C16orf89: variants seen among roughly 807,000 people sequenced by gnomAD.
The protein encoded by C16orf89 is UPF0764 protein C16orf89.
Under a neutral mutation model 41.5 loss-of-function variants are expected in C16orf89, and 57 were observed. The ratio of observed to expected loss-of-function variants is 1.38; its 90% CI spans 1.11 to 1.71. The LOEUF (loss-of-function observed/expected upper bound fraction) is 1.71, where lower values mean the gene tolerates loss of function less well. Ranked by LOEUF, C16orf89 falls within the 40% of genes most tolerant of loss-of-function variation. The probability of loss-of-function intolerance (pLI) is 0.00; values close to 1 mark genes in which losing one functional copy is unlikely to be tolerated. For synonymous variants in C16orf89, 223 were observed against 190.6 expected (o/e 1.17, Z -1.40); for missense variants, 575 against 445.9 (o/e 1.29, Z -2.61).
At chr16:5,049,959 A>C (rs936336660) in intron 6 of C16orf89, among the ~76,000 whole-genome samples, 3 of 152,164 alleles carry the variant, frequency 2.0e-5, no homozygotes, top group Admixed American at 2.0e-4. Context: ...TAGACTAAGA[A>C]AAAAAGAGAA....
At chr16:5,062,950 A>G (rs8060159) in intron 1 of C16orf89, among the ~76,000 whole-genome samples, 43,161 of 152,176 alleles carry the variant, frequency 0.28, 7,010 homozygotes, top group Admixed American at 0.39. Flanking sequence ...CAGGTTGTAC[A>G]CTGCACAAGG....
chr16:5,058,241 C>T (rs1279678346), intron 4 of C16orf89, among the ~76,000 whole-genome samples: 1 of 152,072 alleles, frequency 6.6e-6, no homozygotes, highest in African/African-American at 2.4e-5. Flanking sequence ...ATTCTCCTGC[C>T]TCAGCCTCCT....
rs1956251117 is a variant in C16orf89, at chr16:5,044,228, G to T, written c.*120C>A. Reference sequence around the variant, plus strand: ...GCTTCCAAGATTGGGTGTCGGGGTGGCTTTGCTTATCCTCCAGATGCCTTC... The same window carrying T: ...GCTTCCAAGATTGGGTGTCGGGGTGTCTTTGCTTATCCTCCAGATGCCTTC... On this transcript the variant is annotated 3_prime_UTR_variant, in exon 8 of 8. Transcript: ENST00000472572. The T allele has an allele frequency of 2.1e-6, 3 of 1,435,506 alleles. No homozygotes were observed. The Admixed American group carries it at 8.6e-5, about 41-fold the overall frequency. 88.9% of individuals were successfully genotyped at this position (1,435,506 alleles called of 1,614,324 possible).
intron 5 of C16orf89, chr16:5,055,679 C>A (rs1956483885): frequency 1.3e-6 from 2 of 1,534,420 alleles, no homozygotes; most frequent in South Asian, 2.4e-5. Flanking sequence ...GGTCTGTCTG[C>A]CAGTCACCTG....
chr16:5,055,186 C>T, intron 6 of C16orf89, 60 bp downstream of exon 6: 2 of 1,425,650 alleles, frequency 1.4e-6, no homozygotes, highest in South Asian at 1.2e-5. Context: ...GGCCTAGAAA[C>T]TCAGAGCCAC....
rs2291954 is a variant in C16orf89 at position 5,055,358 on chromosome 16, T to G, written c.764-8A>C. 2 of 1,599,066 alleles carry G rather than the reference T, an allele frequency of 1.3e-6. No homozygotes were observed. The highest frequency in any genetic ancestry group is 1.7e-6 in the Non-Finnish European group (2 of 1,170,646). On this transcript the variant is annotated splice_region_variant and splice_polypyrimidine_tract_variant and intron_variant, in intron 5 of 7. Coordinates refer to ENST00000472572, the MANE Select transcript of C16orf89 (RefSeq NM_001098514.3). Reference sequence around the variant, plus strand: ...CCATTCCACAGAACATGACTGGAAGTAAAGACGGGGGCCCTCTGCAGGCCT... The same window carrying G: ...CCATTCCACAGAACATGACTGGAAGGAAAGACGGGGGCCCTCTGCAGGCCT...
chr16:5,056,903 T>A (rs1041213879), intron 4 of C16orf89, among the ~76,000 whole-genome samples: 4 of 152,154 alleles, frequency 2.6e-5, no homozygotes, highest in Middle Eastern at 3.2e-3. Flanking sequence ...CTGAATCACA[T>A]TGTTTTTTGA....
In C16orf89 at chr16:5,044,307, G is replaced by T. The variant is rs778633818; in HGVS notation, c.*41C>A. On this transcript the variant is annotated 3_prime_UTR_variant, in exon 8 of 8. Coordinates refer to ENST00000472572, the MANE Select transcript of C16orf89 (RefSeq NM_001098514.3). ...GATCTAAGGGATGAGGACTAAAGGG[G>T]TCTGTTCCTCCTCCAGGCAGCTGGC... 2 of 1,560,624 alleles carry T rather than the reference G, an allele frequency of 1.3e-6. No individual in the cohort carries two copies. Among genetic ancestry groups the T allele is most frequent in the African/African-American group, 1.4e-5 (1 of 73,278 alleles).
rs1480539290 is a variant in C16orf89, at chr16:5,055,263, C to A, written c.851G>T (p.Gly284Val). The A allele has an allele frequency of 1.9e-6, 3 of 1,612,104 alleles. No homozygotes were observed. In the African/African-American group the frequency reaches 4.0e-5, roughly 22 times the overall value. Residue 284 changes from glycine to valine, a missense_variant, in exon 6 of 8, where the codon GGA (glycine) becomes GTA (valine). Physicochemically the swap from Gly to Val is moderately radical, Grantham distance 109. Coordinates refer to ENST00000472572, the MANE Select transcript of C16orf89 (RefSeq NM_001098514.3). ...CAGCTCACCAGGCTCCCCGAAGCAT[C>A]CTTCCTGCTGTTTCTGCCAGCTGAG... ...AILSWQKQQE[G>V]CFGEPDAEDE...
Position 5,065,750 on chromosome 16 carries a change from C to A in C16orf89, c.159G>T (p.Arg53Ser), listed in dbSNP as rs142191897. The A allele has an allele frequency of 5.8e-3, 9,410 of 1,614,158 alleles. 64 individuals are homozygous for A. Among genetic ancestry groups the A allele is most frequent in the Non-Finnish European group, 6.6e-3 (7,790 of 1,179,988 alleles). ...TGCCATCCAGGTTGATTTCAGGCAGCCTCTGTTCTAGGAAGACGGTGGCTC... is the reference window on the plus strand; with the variant it reads ...TGCCATCCAGGTTGATTTCAGGCAGACTCTGTTCTAGGAAGACGGTGGCTC... ...LERATVFLEQ[R>S]LPEINLDGMV... Residue 53 changes from arginine to serine, a missense_variant, in exon 1 of 8, where the codon AGG becomes AGT. Physicochemically the swap from Arg to Ser is moderately radical, Grantham distance 110 (BLOSUM62 -1). Coordinates refer to ENST00000472572, the MANE Select transcript of C16orf89 (RefSeq NM_001098514.3).
intron 6 of C16orf89, among the ~76,000 whole-genome samples, chr16:5,053,417 A>C (rs1596691108): frequency 6.6e-6 from 1 of 151,088 alleles, no homozygotes; most frequent in African/African-American, 2.4e-5. Flanking sequence ...AGAGGTGGGG[A>C]GGGGGATGGG....
rs186239969 is a variant in C16orf89, at chr16:5,060,146, G to C, written c.509+140C>G. On this transcript the variant is annotated intron_variant, in intron 3 of 7. Transcript: ENST00000472572. ...GCTGGAGTAGGAGAGGGCAGTACCC[G>C]GCAGCTACAGGGAGCTGCACCTGTG... 5 of 1,041,754 alleles carry C rather than the reference G, an allele frequency of 4.8e-6. No homozygotes were observed. The East Asian group carries it at 1.4e-4, about 29-fold the overall frequency. The allele number at this position is 1,041,754 out of a possible 1,614,324, so 64.5% of individuals were successfully genotyped here.
At chr16:5,049,122 G>T (rs1351297014) in intron 6 of C16orf89, among the ~76,000 whole-genome samples, 4 of 152,104 alleles carry the variant, frequency 2.6e-5, no homozygotes, top group African/African-American at 9.7e-5. Context: ...GACAAAGAAG[G>T]TCATTATATA....
At position 5,065,810 on chromosome 16, in the gene C16orf89, G is replaced by A. The variant is rs35751409; in HGVS notation, c.99C>T (p.Ala33=). The A allele has an allele frequency of 1.5e-3, 2,454 of 1,614,168 alleles. 36 individuals carry two copies. The African/African-American group carries it at 0.029, about 19-fold the overall frequency. Residue 33 remains alanine, a synonymous_variant, in exon 1 of 8, where the codon GCC becomes GCT. Coordinates refer to ENST00000472572, the MANE Select transcript of C16orf89 (RefSeq NM_001098514.3). ...LPGLDTAESK[A]TIADLILSAL... ...CAGACAGGATCAGGTCTGCAATGGT[G>A]GCTTTACTTTCAGCAGTGTCCAGCC...
chr16:5,055,271 C>T lies in C16orf89; in HGVS notation c.843G>A (p.Gln281=). ...WLEAILSWQK[Q]QEGCFGEPDA... ...CAGGCTCCCCGAAGCATCCTTCCTG[C>T]TGTTTCTGCCAGCTGAGAATGGCCT... The change falls in exon 6 of 8, where the codon CAG becomes CAA. Residue 281 remains glutamine, a synonymous_variant. Coordinates refer to ENST00000472572, the MANE Select transcript of C16orf89 (RefSeq NM_001098514.3). 1 of 1,612,940 alleles carries T rather than the reference C, an allele frequency of 6.2e-7. No individual in the cohort carries two copies. The highest frequency in any genetic ancestry group is 2.2e-5 in the East Asian group (1 of 44,828).
intron 4 of C16orf89, among the ~76,000 whole-genome samples, chr16:5,058,178 A>G (rs931920779): frequency 6.6e-6 from 1 of 151,582 alleles, no homozygotes; most frequent in Non-Finnish European, 1.5e-5. Context: ...CCTGGGCTGG[A>G]GTGCAGTGGC....
At position 5,055,432 on chromosome 16, in the gene C16orf89, C is replaced by A. The variant is rs373742015; in HGVS notation, c.764-82G>T. ...ACTCCCCAGGGCTGCCACGGTGCCA[C>A]CTGCCTTCATCTGCCTGGGTTAGGC... On this transcript the variant is annotated intron_variant, in intron 5 of 7. Coordinates refer to ENST00000472572, the MANE Select transcript of C16orf89 (RefSeq NM_001098514.3). 81 of 1,278,544 alleles carry A rather than the reference C, an allele frequency of 6.3e-5. No individual in the cohort carries two copies. In the East Asian group the frequency reaches 1.3e-3, roughly 20 times the overall value. The allele number at this position is 1,278,544 out of a possible 1,614,324, so 79.2% of individuals were successfully genotyped here.
chr16:5,056,465 C>T lies in C16orf89; in HGVS notation c.628-277G>A, dbSNP rs1360538262. On this transcript the variant is annotated intron_variant, in intron 4 of 7. Transcript: ENST00000472572. ...CTCAAGAGTTTTTATCAGGAAAGGG[C>T]GAGGCCTCTAGAAACGGCACCAGAG... Among the ~76,000 whole-genome samples, 3 of 152,222 alleles carry T rather than the reference C, an allele frequency of 2.0e-5. No individual in the cohort carries two copies. In the East Asian group the frequency reaches 5.8e-4, roughly 29 times the overall value.
At position 5,056,106 on chromosome 16, in the gene C16orf89, C is replaced by G. The variant is rs1339238119; in HGVS notation, c.710G>C (p.Arg237Thr). ...FCANMMDLNR[R>T]AEAIGYAYPT... is the part of the protein sequence containing the mutation. ...GTAGGCGTATCCGATGGCCTCAGCTCTGCGGTTCAAGTCCATCATGTTGGC... is the reference window on the plus strand; with the variant it reads ...GTAGGCGTATCCGATGGCCTCAGCTGTGCGGTTCAAGTCCATCATGTTGGC... The change falls in exon 5 of 8, where the codon AGA (arginine) becomes ACA (threonine). Residue 237 changes from arginine (R) to threonine (T), a missense_variant. Arg to Thr is a moderately conservative substitution (Grantham distance 71). Coordinates refer to ENST00000472572, the MANE Select transcript of C16orf89 (RefSeq NM_001098514.3). 1 of 1,600,292 alleles carries G rather than the reference C, an allele frequency of 6.2e-7. No individual in the cohort carries two copies. The highest frequency in any genetic ancestry group is 8.6e-7 in the Non-Finnish European group (1 of 1,168,430).
Sources: gnomAD v4.1 joint callset for allele counts (sites outside exome capture counted in the v4.1 genomes callset) on GRCh38, gnomAD v4.1.1 for gene constraint, MANE v1.5 for transcripts, NCBI Gene and HGNC (gene_info 2026-07-23, HGNC 2026-07-21) for gene names.